Variants in ATP8A1 observed in about 807,000 individuals in gnomAD.
The protein encoded by ATP8A1 is ATPase phospholipid transporting 8A1, also known as phospholipid-transporting ATPase IA.
A neutral mutation model predicts 177.7 loss-of-function variants in ATP8A1; 90 were observed. The ratio of observed to expected loss-of-function variants is 0.51; its 90% confidence interval spans 0.43 to 0.60. The LOEUF is 0.60. Ranked by LOEUF, ATP8A1 falls within the 20% of genes least tolerant of loss-of-function variation. The probability of loss-of-function intolerance (pLI) is 0.00; values close to 1 mark genes in which losing one functional copy is unlikely to be tolerated. For synonymous variants in ATP8A1, 493 were observed against 485.9 expected (o/e 1.01, Z -0.19); for missense variants, 1,072 against 1,392.8 (o/e 0.77, Z 3.67).
At chr4:42,557,350 AAG>A (rs1283672566) in intron 15 of ATP8A1, among the ~76,000 whole-genome samples, 1 of 152,212 alleles carries the variant, frequency 6.6e-6, no homozygotes, top group Non-Finnish European at 1.5e-5. Flanking sequence ...ATTAATTAAA[AAG>A]AGTTCATTAC....
intron 33 of ATP8A1, among the ~76,000 whole-genome samples, chr4:42,434,386 T>C (rs1245096725): frequency 1.3e-5 from 2 of 152,332 alleles, no homozygotes; most frequent in Non-Finnish European, 2.9e-5. Flanking sequence ...CATCAGTTGT[T>C]TGATTACAAA....
Position 42,410,083 on chromosome 4 carries a change from C to A in ATP8A1, c.*2833G>T, listed in dbSNP as rs1361224352. The A allele has an allele frequency of 6.6e-6, 1 of 152,148 alleles. No homozygotes were observed. The highest frequency in any genetic ancestry group is 6.6e-5 in the Admixed American group (1 of 15,264). 9.4% of individuals were successfully genotyped at this position (152,148 alleles called of 1,614,324 possible). A position where few individuals can be genotyped will look rare whatever the true frequency, so the allele number is the denominator to read the frequency against. On this transcript the variant is annotated 3_prime_UTR_variant, in exon 37 of 37. Transcript: ENST00000381668. ...AGTGGAGGTGGGAGGACGGGAAGTA[C>A]ATATATCATTTAAAATTTACAACGT...
intron 33 of ATP8A1, among the ~76,000 whole-genome samples, chr4:42,427,284 G>A (rs1434028954): frequency 6.6e-6 from 1 of 152,192 alleles, no homozygotes; most frequent in Non-Finnish European, 1.5e-5. Flanking sequence ...ATGAAATTCT[G>A]GGTTAATATC....
Position 42,443,547 on chromosome 4 carries a change from G to A in ATP8A1, c.3123+18C>T, listed in dbSNP as rs556217815. 2 of 951,812 alleles carry A rather than the reference G, an allele frequency of 2.1e-6. No homozygotes were observed. Among genetic ancestry groups the A allele is most frequent in the East Asian group, 2.4e-5 (1 of 41,852 alleles). The allele number at this position is 951,812 out of a possible 1,614,324, so 59.0% of individuals were successfully genotyped here. A position where few individuals can be genotyped will look rare whatever the true frequency, so the allele number is the denominator to read the frequency against. On this transcript the variant is annotated intron_variant, in intron 33 of 36. Transcript: ENST00000381668. ...TTTTTAAGGTTTTGTTGGATTGTGA[G>A]TTATTAGCGCACATTACCTCTCCTG...
chr4:42,409,606 G>C lies in ATP8A1; in HGVS notation c.*3310C>G, dbSNP rs928163328. ...TACACTTAATAGGTTTTAAAACCAG[G>C]AACTATCAAAGGGCAACTGCACAAA... is the stretch of plus-strand genomic sequence containing the variant. On this transcript the variant is annotated 3_prime_UTR_variant, in exon 37 of 37. Coordinates refer to ENST00000381668, the MANE Select transcript of ATP8A1 (RefSeq NM_006095.2). 2.0e-5 allele frequency: 3 copies of C among 152,038 alleles called. No individual in the cohort carries two copies. The highest frequency in any genetic ancestry group is 4.4e-5 in the Non-Finnish European group (3 of 67,968). The allele number at this position is 152,038 out of a possible 1,614,324, so 9.4% of individuals were successfully genotyped here.
At chr4:42,578,497 T>C (rs1039382421) in intron 11 of ATP8A1, 110 bp from the exon 12 acceptor site, 1 of 1,214,740 alleles carries the variant, frequency 8.2e-7, no homozygotes, top group Non-Finnish European at 1.2e-6. Context: ...TTTGATAATT[T>C]GGGAGGAACA....
chr4:42,439,585 A>G (rs146390186), intron 33 of ATP8A1, among the ~76,000 whole-genome samples: 161 of 152,384 alleles, frequency 1.1e-3, no homozygotes, highest in Admixed American at 8.1e-3. Flanking sequence ...AAATGAAGAT[A>G]CAGTCATCGC....
chr4:42,586,253 C>T (rs539031472), intron 9 of ATP8A1, 96 bp downstream of exon 9: 207 of 1,417,010 alleles, frequency 1.5e-4, no homozygotes, highest in Non-Finnish European at 1.9e-4. Flanking sequence ...TCAAACTTAG[C>T]ACACAAGAAG....
At chr4:42,539,422 C>T (rs889956790) in intron 20 of ATP8A1, among the ~76,000 whole-genome samples, 20 of 135,232 alleles carry the variant, frequency 1.5e-4, no homozygotes, top group Non-Finnish European at 2.7e-4. Flanking sequence ...AACAAAATAC[C>T]AATGCCATTC....
At chr4:42,436,018 T>C (rs1715952059) in intron 33 of ATP8A1, among the ~76,000 whole-genome samples, 1 of 152,212 alleles carries the variant, frequency 6.6e-6, no homozygotes, top group African/African-American at 2.4e-5. Flanking sequence ...CCAATTAACT[T>C]GGTATTGAGG....
At chr4:42,479,533 A>C (rs1488636219) in intron 25 of ATP8A1, among the ~76,000 whole-genome samples, 1 of 152,220 alleles carries the variant, frequency 6.6e-6, no homozygotes, top group South Asian at 2.1e-4. Context: ...GTTCTTAGCA[A>C]ATCAGAACTG....
intron 33 of ATP8A1, among the ~76,000 whole-genome samples, chr4:42,427,396 T>G (rs1714747678): frequency 6.6e-6 from 1 of 152,204 alleles, no homozygotes. Flanking sequence ...AGCAAGTAAT[T>G]AACAACATGG....
chr4:42,546,732 C>T (rs367793735), intron 19 of ATP8A1, among the ~76,000 whole-genome samples: 6 of 152,240 alleles, frequency 3.9e-5, no homozygotes, highest in African/African-American at 1.4e-4. Context: ...CTCTCCTCAC[C>T]ATTACAATGA....
At chr4:42,471,846 A>G in intron 25 of ATP8A1, 1 of 580,918 alleles carries the variant, frequency 1.7e-6, no homozygotes, top group East Asian at 3.9e-5. Flanking sequence ...GAAGCCCAAC[A>G]GCGAGACGCC....
rs1721607397 is a variant in ATP8A1 at position 42,480,917 on chromosome 4, G to C, written c.2324+4579C>G. On this transcript the variant is annotated intron_variant, in intron 25 of 36. Transcript: ENST00000381668. ...AAGACATGAGTACATAAATTATGTA[G>C]AACGATGATTACTAGACAGTCTAAA... Among the ~76,000 whole-genome samples the C allele has an allele frequency of 1.3e-5, 2 of 152,280 alleles. 1 individual carries two copies. The highest frequency in any genetic ancestry group is 1.3e-4 in the Admixed American group (2 of 15,290).
At chr4:42,461,734 A>AACAGGC (rs1482930424) in intron 27 of ATP8A1, among the ~76,000 whole-genome samples, 9 of 152,204 alleles carry the variant, frequency 5.9e-5, no homozygotes, top group African/African-American at 1.7e-4. Context: ...GGAACTGGGT[A>AACAGGC]ACAGGCAGAG....
intron 4 of ATP8A1, among the ~76,000 whole-genome samples, chr4:42,620,504 C>T (rs1737359271): frequency 6.6e-6 from 1 of 152,242 alleles, no homozygotes; most frequent in Non-Finnish European, 1.5e-5. Context: ...AGATGGAGTA[C>T]TAGAAACCAT....
At chr4:42,600,433 G>T in intron 6 of ATP8A1, 45 bp downstream of exon 6, 1 of 1,539,902 alleles carries the variant, frequency 6.5e-7, no homozygotes, top group Non-Finnish European at 8.9e-7. Flanking sequence ...AGAGTACACC[G>T]CTATGTATTT....
rs1230105908 is a variant in ATP8A1 at position 42,408,563 on chromosome 4, A to T, written c.*4353T>A. 6.6e-6 allele frequency: 1 copy of T among 152,200 alleles called. No individual in the cohort carries two copies. Among genetic ancestry groups the T allele is most frequent in the Non-Finnish European group, 1.5e-5 (1 of 68,016 alleles). 9.4% of individuals were successfully genotyped at this position (152,200 alleles called of 1,614,324 possible). A position where few individuals can be genotyped will look rare whatever the true frequency, so the allele number is the denominator to read the frequency against. ...ACATCAAGATAAACAAACCTGAGAA[A>T]ACTACTATAACCACAGATTCAATAC... On this transcript the variant is annotated 3_prime_UTR_variant, in exon 37 of 37. Transcript: ENST00000381668.
Sources: gnomAD v4.1 joint callset for allele counts (sites outside exome capture counted in the v4.1 genomes callset) on GRCh38, gnomAD v4.1.1 for gene constraint, MANE v1.5 for transcripts, NCBI Gene and HGNC (gene_info 2026-07-23, HGNC 2026-07-21) for gene names.